Variants in SMIM36 observed in about 807,000 individuals in gnomAD.
The protein encoded by SMIM36 is small integral membrane protein 36.
Position 55,467,685 on chromosome 17 carries a change from C to T in SMIM36, c.*348-357G>A, listed in dbSNP as rs138181347. ...TGCAGGGATTGCAGGCGTGAGCCAC[C>T]GCACTCGGCCAACCATATTTTTAGT... On this transcript the variant is annotated intron_variant, in intron 3 of 4. Coordinates refer to ENST00000636752, the Ensembl canonical transcript of SMIM36. 2.6e-3 allele frequency among the ~76,000 whole-genome samples: 394 copies of T among 152,296 alleles called. 1 individual carries two copies. Among genetic ancestry groups the T allele is most frequent in the Non-Finnish European group, 3.2e-3 (219 of 68,036 alleles).
the SMIM36 span, among the ~76,000 whole-genome samples, chr17:55,530,242 G>C: frequency 1.3e-5 from 2 of 152,194 alleles, no homozygotes; most frequent in Admixed American, 6.5e-5. Flanking sequence ...GGTGGTAAAG[G>C]TCGAGGGTAG....
chr17:55,526,613 A>C, the SMIM36 span, among the ~76,000 whole-genome samples: 6 of 152,240 alleles, frequency 3.9e-5, no homozygotes, highest in African/African-American at 1.4e-4. Context: ...TAAGTCTAAG[A>C]TTTATGGTCC....
intron 1 of SMIM36, among the ~76,000 whole-genome samples, chr17:55,498,307 C>T (rs1909843469): frequency 6.6e-6 from 1 of 152,098 alleles, no homozygotes; most frequent in Admixed American, 6.6e-5. Context: ...CATATGAATT[C>T]TGGGGGGACA....
upstream of SMIM36, among the ~76,000 whole-genome samples, chr17:55,514,085 C>T (rs1910226516): frequency 6.6e-6 from 1 of 152,170 alleles, no homozygotes; most frequent in African/African-American, 2.4e-5. Context: ...CGGTGAAATG[C>T]TGGGTGCTTG....
the SMIM36 span, among the ~76,000 whole-genome samples, chr17:55,531,256 C>T: frequency 0.43 from 64,764 of 152,014 alleles, 15,104 homozygotes; most frequent in African/African-American, 0.63. Flanking sequence ...AATAATGTGG[C>T]AGTTACTTGT....
At chr17:55,458,457 A>AC (rs1478085541) in intron 4 of SMIM36, 1 of 151,870 alleles carries the variant, frequency 6.6e-6, no homozygotes, top group Non-Finnish European at 1.5e-5. Flanking sequence ...TTAGGGATCC[A>AC]CCCCACGGAC....
At chr17:55,528,249 A>G in the SMIM36 span, among the ~76,000 whole-genome samples, 1 of 152,236 alleles carries the variant, frequency 6.6e-6, no homozygotes, top group Non-Finnish European at 1.5e-5. Flanking sequence ...CTTGTTGCCT[A>G]TGTGAACACA....
At chr17:55,523,454 C>T in the SMIM36 span, among the ~76,000 whole-genome samples, 5 of 149,770 alleles carry the variant, frequency 3.3e-5, no homozygotes, top group African/African-American at 4.9e-5. Flanking sequence ...TGCTTGAACC[C>T]GGGAGGCGGA....
At chr17:55,515,940 T>C (rs568687732), upstream of SMIM36, among the ~76,000 whole-genome samples, 5 of 152,380 alleles carry the variant, frequency 3.3e-5, no homozygotes, top group East Asian at 9.6e-4. Flanking sequence ...TAGATCCTCT[T>C]CTATTTTATT....
At chr17:55,476,576 T>G (rs112606419) in intron 3 of SMIM36, among the ~76,000 whole-genome samples, 13,522 of 151,976 alleles carry the variant, frequency 0.089, 623 homozygotes, top group South Asian at 0.14. Flanking sequence ...TATTTTTTTT[T>G]TTTGTTTGTT....
At chr17:55,522,141 A>G in the SMIM36 span, among the ~76,000 whole-genome samples, 1 of 151,798 alleles carries the variant, frequency 6.6e-6, no homozygotes, top group Admixed American at 6.6e-5. Context: ...TTTCTCCCTC[A>G]CCTGTTCTAC....
At chr17:55,516,838 G>A in the SMIM36 span, among the ~76,000 whole-genome samples, 111 of 152,260 alleles carry the variant, frequency 7.3e-4, no homozygotes, top group Middle Eastern at 0.024. Flanking sequence ...GGGATTACAG[G>A]CATGAGCCAC....
At chr17:55,520,019 TG>T in the SMIM36 span, among the ~76,000 whole-genome samples, 9 of 152,222 alleles carry the variant, frequency 5.9e-5, no homozygotes, top group Admixed American at 5.9e-4. Context: ...AAAAACAAGG[TG>T]TTGGTGAGGC....
intron 1 of SMIM36, among the ~76,000 whole-genome samples, chr17:55,481,337 A>C (rs2063088339): frequency 6.6e-6 from 1 of 152,250 alleles, no homozygotes; most frequent in South Asian, 2.1e-4. Context: ...AAATAGGTAG[A>C]CATACTGAAA....
chr17:55,484,146 A>G (rs1057381626), intron 1 of SMIM36, among the ~76,000 whole-genome samples: 15 of 151,674 alleles, frequency 9.9e-5, no homozygotes, highest in Non-Finnish European at 1.0e-4. Flanking sequence ...TCACCATAGC[A>G]AAAAACAAAC....
chr17:55,529,607 A>AAT, the SMIM36 span, among the ~76,000 whole-genome samples: 1 of 124,244 alleles, frequency 8.0e-6, no homozygotes, highest in African/African-American at 5.0e-5. Context: ...CTCTACTAAA[A>AAT]ATACACACAC....
rs1233986112 is a variant in SMIM36, at chr17:55,507,641, G to A, written c.*174+3238C>T. Among the ~76,000 whole-genome samples, 103 of 142,722 alleles carry A rather than the reference G, an allele frequency of 7.2e-4. 1 individual carries two copies. Among genetic ancestry groups the A allele is most frequent in the Non-Finnish European group, 1.4e-3 (92 of 65,820 alleles). 93.6% of individuals were successfully genotyped at this position (142,722 alleles called of 152,430 possible). On this transcript the variant is annotated intron_variant, in intron 1 of 4. Coordinates refer to ENST00000636752, the Ensembl canonical transcript of SMIM36. The stretch of plus-strand genomic sequence containing the variant: ...ATACCTAATGCTAGATGACGAGTTA[G>A]TGGGTGCAGTGCACCAGCATGGCAC...
At position 55,491,857 on chromosome 17, in the gene SMIM36, T is replaced by A. The variant is rs560542136; in HGVS notation, c.*175-12277A>T. Among the ~76,000 whole-genome samples, 12 of 152,006 alleles carry A rather than the reference T, an allele frequency of 7.9e-5. No individual in the cohort carries two copies. In the East Asian group the frequency reaches 1.5e-3, roughly 20 times the overall value. ...CAGCCACTTTTCTTCAACATCAGAG[T>A]GAAAGAAAGAGAGCAAACTAGGCGG... On this transcript the variant is annotated intron_variant, in intron 1 of 4. Transcript: ENST00000636752.
At position 55,501,220 on chromosome 17, in the gene SMIM36, A is replaced by ATATATTATAATATATAATATATC. The variant is rs1567870975; in HGVS notation, c.*174+9658_*174+9659insGATATATTATATATTATAATATA. On this transcript the variant is annotated intron_variant, in intron 1 of 4. Coordinates refer to ENST00000636752, the Ensembl canonical transcript of SMIM36. ...TTATATATTATAATATATAATATAT[A>ATATATTATAATATATAATATATC]TTATATATTATAATATATAATATAG... Among the ~76,000 whole-genome samples, 2 of 10,060 alleles carry ATATATTATAATATATAATATATC rather than the reference A, an allele frequency of 2.0e-4. 1 individual carries two copies. Among genetic ancestry groups the ATATATTATAATATATAATATATC allele is most frequent in the Non-Finnish European group, 2.4e-4 (2 of 8,182 alleles). The allele number at this position is 10,060 out of a possible 152,430, so 6.6% of individuals were successfully genotyped here.
Sources: gnomAD v4.1 joint callset for allele counts (sites outside exome capture counted in the v4.1 genomes callset) on GRCh38, gnomAD v4.1.1 for gene constraint, MANE v1.5 for transcripts, NCBI Gene and HGNC (gene_info 2026-07-23, HGNC 2026-07-21) for gene names.